The following CERS4 variants were observed in gnomAD, a reference collection of about 807,000 sequenced individuals.
CERS4 encodes ceramide synthase 4.
In CERS4, 65 loss-of-function variants were observed where a neutral mutation model predicts 51.8. That is an observed-to-expected ratio of 1.26 (90% confidence interval 1.03 to 1.54). CERS4 has a LOEUF of 1.54. Ranked by LOEUF, CERS4 falls within the 40% of genes most tolerant of loss-of-function variation. The pLI is 0.00. For missense variants in CERS4, 563 were observed against 500.4 expected (o/e 1.13, Z -1.19); for synonymous variants, 228 against 208.4 (o/e 1.09, Z -0.81).
At chr19:8,245,294 A>G (rs1362351165) in intron 2 of CERS4, among the ~76,000 whole-genome samples, 1 of 151,850 alleles carries the variant, frequency 6.6e-6, no homozygotes, top group Non-Finnish European at 1.5e-5. Flanking sequence ...TCTGTCATTT[A>G]GGCTGAAGTG....
At chr19:8,214,085 C>G (rs1045117148) in intron 2 of CERS4, among the ~76,000 whole-genome samples, 1 of 151,830 alleles carries the variant, frequency 6.6e-6, no homozygotes, top group African/African-American at 2.4e-5. Flanking sequence ...CACTGAACCG[C>G]CTGGAGCTCA....
chr19:8,249,028 G>A (rs1256266086), intron 2 of CERS4, among the ~76,000 whole-genome samples: 3 of 150,706 alleles, frequency 2.0e-5, no homozygotes, highest in Admixed American at 1.3e-4. Flanking sequence ...TGGGTGGATG[G>A]ATGGATGATG....
At chr19:8,254,713 G>A in intron 4 of CERS4, 97 bp downstream of exon 4, 1 of 1,055,156 alleles carries the variant, frequency 9.5e-7, no homozygotes, top group Non-Finnish European at 1.4e-6. Context: ...AGAAGCCAAG[G>A]TGGCTGCAGG....
Position 8,255,623 on chromosome 19 carries a change from T to A in CERS4, c.308T>A (p.Leu103Gln), listed in dbSNP as rs775487917. The change falls in exon 5 of 12, where the codon CTG becomes CAG. Residue 103 changes from leucine to glutamine, a missense_variant. By Grantham distance (113) the Leu-to-Gln change is moderately radical (BLOSUM62 -2). Coordinates refer to ENST00000251363, the MANE Select transcript of CERS4 (RefSeq NM_024552.3). The stretch of plus-strand genomic sequence containing the variant: ...CCTCCCCAGCCCCAGCTGTCTCTCC[T>A]GGCCGCCCAGTGTGGCCTCACGCTG... ...HRPKEPQLSL[L>Q]AAQCGLTLQQ... 1 of 1,612,282 alleles carries A rather than the reference T, an allele frequency of 6.2e-7. No individual in the cohort carries two copies. The highest frequency in any genetic ancestry group is 1.1e-5 in the South Asian group (1 of 90,952).
At chr19:8,225,880 G>A (rs977326444) in intron 2 of CERS4, among the ~76,000 whole-genome samples, 5 of 151,972 alleles carry the variant, frequency 3.3e-5, no homozygotes, top group Non-Finnish European at 5.9e-5. Flanking sequence ...ATGTCTCCAA[G>A]ACTCAGTTTG....
chr19:8,226,945 A>C (rs960134800), intron 2 of CERS4, among the ~76,000 whole-genome samples: 4 of 152,186 alleles, frequency 2.6e-5, no homozygotes, highest in Non-Finnish European at 2.9e-5. Context: ...CCTGACCAAC[A>C]TGGAGAAACC....
intron 2 of CERS4, among the ~76,000 whole-genome samples, chr19:8,242,316 T>C (rs1045597058): frequency 2.6e-5 from 4 of 152,200 alleles, no homozygotes; most frequent in African/African-American, 9.6e-5. Context: ...GTAGGACCTC[T>C]GGGGCCAGAC....
intron 2 of CERS4, among the ~76,000 whole-genome samples, chr19:8,218,283 C>T (rs918876616): frequency 6.6e-6 from 1 of 152,100 alleles, no homozygotes; most frequent in African/African-American, 2.4e-5. Context: ...GCTCTTGACC[C>T]AGGCTGGGAG....
In CERS4 at chr19:8,221,795, G is replaced by A. The variant is rs1377158982; in HGVS notation, c.-2+10933G>A. Among the ~76,000 whole-genome samples the A allele has an allele frequency of 2.0e-5, 3 of 150,196 alleles. No individual in the cohort carries two copies. In the East Asian group the frequency reaches 5.8e-4, roughly 29 times the overall value. On this transcript the variant is annotated intron_variant, in intron 2 of 11. Coordinates refer to ENST00000251363, the MANE Select transcript of CERS4 (RefSeq NM_024552.3). The stretch of plus-strand genomic sequence containing the variant: ...CCCTCCTCAGCCTACCAAAGTGCTG[G>A]GATTACAGGCATGAGCCACCACACC...
At chr19:8,227,542 A>G (rs1967838192) in intron 2 of CERS4, among the ~76,000 whole-genome samples, 2 of 151,898 alleles carry the variant, frequency 1.3e-5, no homozygotes, top group African/African-American at 4.8e-5. Context: ...GGGTTTCACC[A>G]TGTTGCCCAG....
intron 2 of CERS4, among the ~76,000 whole-genome samples, chr19:8,248,902 CAT>C (rs1491299015): frequency 5.0e-5 from 6 of 119,274 alleles, no homozygotes; most frequent in African/African-American, 1.7e-4. Flanking sequence ...GATGGGTGGA[CAT>C]ATGGATGATG....
intron 10 of CERS4, among the ~76,000 whole-genome samples, chr19:8,258,713 A>C (rs1368640437): frequency 6.6e-6 from 1 of 152,172 alleles, no homozygotes; most frequent in Non-Finnish European, 1.5e-5. Flanking sequence ...GTGATGGTGC[A>C]TACCTGTAAT....
intron 2 of CERS4, 66 bp from the exon 3 acceptor site, chr19:8,251,010 C>T (rs1969048874): frequency 1.3e-6 from 2 of 1,505,816 alleles, no homozygotes; most frequent in Admixed American, 2.2e-5. Context: ...TCCAGCCTCT[C>T]AGGCCCCACT....
At chr19:8,211,065 G>C (rs1053655217) in intron 2 of CERS4, among the ~76,000 whole-genome samples, 11 of 152,222 alleles carry the variant, frequency 7.2e-5, no homozygotes, top group African/African-American at 2.6e-4. Flanking sequence ...AGGAACCGGA[G>C]AGGGTTCTAA....
At position 8,256,947 on chromosome 19, in the gene CERS4, A is replaced by G. The variant is rs1969419706; in HGVS notation, c.613-2A>G. 2 of 1,614,042 alleles carry G rather than the reference A, an allele frequency of 1.2e-6. No homozygotes were observed. The highest frequency in any genetic ancestry group is 8.5e-7 in the Non-Finnish European group (1 of 1,180,030). On this transcript the variant is annotated splice_acceptor_variant, in intron 8 of 11. Coordinates refer to ENST00000251363, the MANE Select transcript of CERS4 (RefSeq NM_024552.3). LOFTEE classifies it high-confidence loss of function. The stretch of plus-strand genomic sequence containing the variant: ...CCCACTATGACCCACCGTCTACTGC[A>G]GGATTTCAAGGAGCAGGTGATACAC...
chr19:8,229,979 GC>G (rs1201938084), intron 2 of CERS4, among the ~76,000 whole-genome samples: 18 of 152,188 alleles, frequency 1.2e-4, no homozygotes, highest in Admixed American at 1.2e-3. Flanking sequence ...TCCCGCCTCA[GC>G]CTCCCAAAGT....
intron 2 of CERS4, among the ~76,000 whole-genome samples, chr19:8,248,609 ATGGATGATGGGCAGGTGGACAGATGTT>A (rs1968896168): frequency 1.3e-5 from 2 of 151,004 alleles, no homozygotes; most frequent in African/African-American, 4.9e-5. Context: ...GGGTAGGTGG[ATGGATGATGGGCAGGTGGACAGATGTT>A]TGGATGAGTG....
At chr19:8,244,960 T>C (rs28546979) in intron 2 of CERS4, among the ~76,000 whole-genome samples, 126,592 of 151,686 alleles carry the variant, frequency 0.83, 53,003 homozygotes, top group Middle Eastern at 0.87. Flanking sequence ...CTGGCTAACA[T>C]GGTGAAACCC....
chr19:8,223,358 G>A (rs1305351798), intron 2 of CERS4, among the ~76,000 whole-genome samples: 1 of 151,054 alleles, frequency 6.6e-6, no homozygotes, highest in East Asian at 2.0e-4. Context: ...GTTCATGCCT[G>A]TAATCCCAGC....
Sources: gnomAD v4.1 joint callset for allele counts (sites outside exome capture counted in the v4.1 genomes callset) on GRCh38, gnomAD v4.1.1 for gene constraint, MANE v1.5 for transcripts, NCBI Gene and HGNC (gene_info 2026-07-23, HGNC 2026-07-21) for gene names.